Variants in C2orf66 observed in about 807,000 individuals in gnomAD.
The protein encoded by C2orf66 is chromosome 2 open reading frame 66, also known as uncharacterized protein C2orf66.
Under a neutral mutation model 7.0 loss-of-function variants are expected in C2orf66, and 6 were observed. The observed-to-expected ratio is 0.86, with a 90% CI of 0.47 to 1.69. The LOEUF is 1.69. Among genes scored for constraint, C2orf66 ranks in the 40% most tolerant of loss-of-function variants. The pLI is 0.01. For synonymous variants in C2orf66, 38 were observed against 43.8 expected (o/e 0.87, Z 0.52); for missense variants, 107 against 112.0 (o/e 0.96, Z 0.20).
the C2orf66 span, among the ~76,000 whole-genome samples, chr2:196,817,456 C>G: frequency 6.6e-6 from 1 of 151,946 alleles, no homozygotes. Flanking sequence ...AGGATGGTCT[C>G]GATCTCCTGA....
the C2orf66 span, among the ~76,000 whole-genome samples, chr2:196,816,897 A>G: frequency 1.3e-5 from 2 of 152,186 alleles, no homozygotes; most frequent in Non-Finnish European, 2.9e-5. Context: ...CTGAGAAATA[A>G]AGAGAAAGAG....
chr2:196,826,535 A>C, the C2orf66 span, among the ~76,000 whole-genome samples: 16 of 152,220 alleles, frequency 1.1e-4, no homozygotes, highest in African/African-American at 3.6e-4. Flanking sequence ...AATAGAAATG[A>C]GAATGATAGT....
chr2:196,805,533 A>G (rs1190452457), intron 2 of C2orf66, 125 bp from the exon 3 acceptor site: 1 of 152,168 alleles, frequency 6.6e-6, no homozygotes, highest in Non-Finnish European at 1.5e-5. Flanking sequence ...CCAGAGATGT[A>G]AGGAACATAG....
intron 1 of C2orf66, among the ~76,000 whole-genome samples, chr2:196,808,846 T>C (rs184020052): frequency 3.9e-4 from 59 of 152,322 alleles, no homozygotes; most frequent in African/African-American, 1.3e-3. Context: ...TGTTTTATCA[T>C]CAGTTCAATC....
At chr2:196,823,957 C>T in the C2orf66 span, among the ~76,000 whole-genome samples, 1 of 152,158 alleles carries the variant, frequency 6.6e-6, no homozygotes, top group Non-Finnish European at 1.5e-5. Context: ...CTTGGTGAAT[C>T]ATCCACCAAG....
chr2:196,821,555 T>C, the C2orf66 span, among the ~76,000 whole-genome samples: 1 of 152,196 alleles, frequency 6.6e-6, no homozygotes, highest in Non-Finnish European at 1.5e-5. Flanking sequence ...GAAATATCTA[T>C]TATGAACCTG....
At chr2:196,813,712 G>T (rs1408706235), upstream of C2orf66, among the ~76,000 whole-genome samples, 1 of 152,016 alleles carries the variant, frequency 6.6e-6, no homozygotes, top group Non-Finnish European at 1.5e-5. Context: ...AATCTACAAA[G>T]AACTTAAACA....
the C2orf66 span, among the ~76,000 whole-genome samples, chr2:196,818,057 A>G: frequency 6.6e-6 from 1 of 152,254 alleles, no homozygotes; most frequent in Non-Finnish European, 1.5e-5. Flanking sequence ...TAACAGGATT[A>G]AGAGATTAAA....
At chr2:196,809,177 T>C (rs1414209808) in intron 1 of C2orf66, 37 bp downstream of exon 1, 1 of 1,599,002 alleles carries the variant, frequency 6.3e-7, no homozygotes, top group Non-Finnish European at 8.5e-7. Context: ...GAGGCATTAG[T>C]TCTATCCTGA....
chr2:196,813,529 A>C (rs1699895786), upstream of C2orf66, among the ~76,000 whole-genome samples: 1 of 152,238 alleles, frequency 6.6e-6, no homozygotes, highest in Admixed American at 6.5e-5. Context: ...CAAAGACTTC[A>C]GGACTAAAAC....
chr2:196,831,520 T>G, the C2orf66 span, among the ~76,000 whole-genome samples: 1 of 152,038 alleles, frequency 6.6e-6, no homozygotes, highest in African/African-American at 2.4e-5. Context: ...ATGTATCTCC[T>G]CTCTTGGCCG....
the C2orf66 span, among the ~76,000 whole-genome samples, chr2:196,831,628 C>G: frequency 1.1e-4 from 17 of 152,190 alleles, 1 homozygote; most frequent in East Asian, 3.3e-3. Context: ...CTTAGAGGGA[C>G]AAAGAACAGC....
At chr2:196,809,599 A>AC, upstream of C2orf66, 2 of 392,154 alleles carry the variant, frequency 5.1e-6, no homozygotes, top group Non-Finnish European at 9.1e-6. Flanking sequence ...CAATTATGGA[A>AC]CATAACATAG....
At chr2:196,829,693 A>G in the C2orf66 span, among the ~76,000 whole-genome samples, 1 of 151,770 alleles carries the variant, frequency 6.6e-6, no homozygotes, top group South Asian at 2.1e-4. Context: ...GTCTGGAGAT[A>G]AAGACCATCC....
At chr2:196,827,144 T>G in the C2orf66 span, among the ~76,000 whole-genome samples, 1 of 148,098 alleles carries the variant, frequency 6.8e-6, no homozygotes, top group Non-Finnish European at 1.5e-5. Context: ...GAGGCTGATG[T>G]AGGAGGATCA....
chr2:196,819,844 G>C, the C2orf66 span, among the ~76,000 whole-genome samples: 1 of 152,212 alleles, frequency 6.6e-6, no homozygotes, highest in East Asian at 1.9e-4. Context: ...TTTACATAAT[G>C]TCATATTTTA....
intron 1 of C2orf66, among the ~76,000 whole-genome samples, chr2:196,808,518 T>A (rs1013971838): frequency 3.3e-5 from 5 of 152,198 alleles, no homozygotes; most frequent in Non-Finnish European, 5.9e-5. Flanking sequence ...TTTCACTTTA[T>A]CCTGTCTGGA....
the C2orf66 span, among the ~76,000 whole-genome samples, chr2:196,821,732 A>T: frequency 6.6e-6 from 1 of 152,182 alleles, no homozygotes; most frequent in Admixed American, 6.5e-5. Flanking sequence ...AGTATTTGAA[A>T]GAAATACCAT....
At chr2:196,805,479 A>T (rs1368411151) in intron 2 of C2orf66, 71 bp from the exon 3 acceptor site, 1 of 152,168 alleles carries the variant, frequency 6.6e-6, no homozygotes, top group Non-Finnish European at 1.5e-5. Context: ...AGACCCCCAA[A>T]TCAACATATT....
Sources: gnomAD v4.1 joint callset for allele counts (sites outside exome capture counted in the v4.1 genomes callset) on GRCh38, gnomAD v4.1.1 for gene constraint, MANE v1.5 for transcripts, NCBI Gene and HGNC (gene_info 2026-07-23, HGNC 2026-07-21) for gene names.